Variants in ZNF345 observed in about 807,000 individuals in gnomAD.
The protein encoded by ZNF345 is zinc finger protein HZF10.
For synonymous variants in ZNF345, 166 were observed against 187.9 expected (o/e 0.88, Z 0.95); for missense variants, 527 against 589.9 (o/e 0.89, Z 1.10).
At chr19:36,892,789 A>G in intron 3 of ZNF345, 1 of 542,924 alleles carries the variant, frequency 1.8e-6, no homozygotes, top group Non-Finnish European at 2.8e-6. Context: ...CTAATTAAAA[A>G]AAAAAAATTT....
At chr19:36,853,467 G>A (rs916396205) in intron 2 of ZNF345, among the ~76,000 whole-genome samples, 2 of 151,960 alleles carry the variant, frequency 1.3e-5, no homozygotes, top group Non-Finnish European at 2.9e-5. Context: ...AGGCTGGCCT[G>A]GAACTAGGTG....
intron 2 of ZNF345, among the ~76,000 whole-genome samples, chr19:36,853,240 TC>T: frequency 6.7e-6 from 1 of 148,722 alleles, no homozygotes; most frequent in Non-Finnish European, 1.5e-5. Flanking sequence ...TTGCTTTCTT[TC>T]TTTCTTTTTT....
chr19:36,879,556 T>G lies in ZNF345; in HGVS notation c.*1259T>G, dbSNP rs557589292. 1.2e-5 allele frequency: 2 copies of G among 167,014 alleles called. No homozygotes were observed. The highest frequency in any genetic ancestry group is 3.9e-4 in the East Asian group (2 of 5,192). The allele number at this position is 167,014 out of a possible 1,614,324, so 10.3% of individuals were successfully genotyped here. A position where few individuals can be genotyped will look rare whatever the true frequency, so the allele number is the denominator to read the frequency against. On this transcript the variant is annotated 3_prime_UTR_variant, in exon 3 of 3. Transcript: ENST00000420450. ...CCCAATTTTGTCAAATATTAAAAATTTTGCCATTATAAACACTTACCTTGA... is the reference window on the plus strand; with the variant it reads ...CCCAATTTTGTCAAATATTAAAAATGTTGCCATTATAAACACTTACCTTGA...
intron 2 of ZNF345, among the ~76,000 whole-genome samples, chr19:36,867,505 C>G (rs970089022): frequency 6.6e-6 from 1 of 152,190 alleles, no homozygotes; most frequent in Non-Finnish European, 1.5e-5. Flanking sequence ...GAAGCACAAA[C>G]TTTTAACTTG....
intron 3 of ZNF345, chr19:36,891,492 T>C (rs1222235592): frequency 6.5e-7 from 1 of 1,541,858 alleles, no homozygotes; most frequent in Non-Finnish European, 8.7e-7. Flanking sequence ...TTACTGTCAT[T>C]CAACCAGTAT....
rs199766242 is a variant in ZNF345 at position 36,891,806 on chromosome 19, A to C, written c.47-1012A>C. On this transcript the variant is annotated intron_variant, in intron 3 of 3. Transcript: ENST00000526123. ...GAGGCACTATTAAAGGCCTTCCCAC[A>C]CTGCTTACATTCATAAGGTTTCTCA... The C allele has an allele frequency of 5.4e-4, 872 of 1,614,002 alleles. 1 individual carries two copies. Among genetic ancestry groups the C allele is most frequent in the Non-Finnish European group, 6.1e-4 (723 of 1,180,030 alleles).
intron 2 of ZNF345, among the ~76,000 whole-genome samples, chr19:36,861,833 T>C (rs1333112113): frequency 1.3e-5 from 2 of 151,540 alleles, no homozygotes; most frequent in Admixed American, 1.3e-4. Context: ...GTGCTGGGAT[T>C]ATAGGCATGA....
chr19:36,866,529 T>A (rs1600703379), intron 2 of ZNF345, among the ~76,000 whole-genome samples: 1 of 149,484 alleles, frequency 6.7e-6, no homozygotes, highest in East Asian at 1.9e-4. Flanking sequence ...TGAATAATAA[T>A]ATATGTGTTC....
chr19:36,880,409 A>G (rs183363413), downstream of ZNF345, among the ~76,000 whole-genome samples: 1 of 145,544 alleles, frequency 6.9e-6, no homozygotes. Context: ...TAAAATTTGT[A>G]CCAGGGTAGA....
In ZNF345 at chr19:36,877,693, G is replaced by A. The variant is rs753932555; in HGVS notation, c.863G>A (p.Cys288Tyr). ...RIHTGEKPYV[C>Y]KECGKAFNSG... Reference sequence around the variant, plus strand: ...CATACTGGTGAGAAACCTTATGTATGTAAGGAATGTGGGAAGGCTTTTAAT... The same window carrying A: ...CATACTGGTGAGAAACCTTATGTATATAAGGAATGTGGGAAGGCTTTTAAT... Residue 288 changes from cysteine (C) to tyrosine (Y), a missense_variant, in exon 3 of 3, where the codon TGT (cysteine) becomes TAT (tyrosine). Cys to Tyr is a radical substitution (Grantham distance 194, BLOSUM62 -2). Transcript: ENST00000420450. 1 of 1,614,166 alleles carries A rather than the reference G, an allele frequency of 6.2e-7. No homozygotes were observed. The highest frequency in any genetic ancestry group is 8.5e-7 in the Non-Finnish European group (1 of 1,180,014).
At chr19:36,882,020 T>C (rs1401119277), downstream of ZNF345, among the ~76,000 whole-genome samples, 1 of 151,470 alleles carries the variant, frequency 6.6e-6, no homozygotes. Flanking sequence ...TTCCTCTAAA[T>C]TGATTTGAAG....
chr19:36,869,288 T>G (rs1052035999), intron 2 of ZNF345, among the ~76,000 whole-genome samples: 1 of 151,934 alleles, frequency 6.6e-6, no homozygotes, highest in African/African-American at 2.4e-5. Context: ...GGATACAAAT[T>G]AGGAACAGCA....
At chr19:36,873,069 TG>T (rs1441583194) in intron 2 of ZNF345, among the ~76,000 whole-genome samples, 3 of 152,324 alleles carry the variant, frequency 2.0e-5, no homozygotes, top group South Asian at 4.1e-4. Context: ...GTATCTTTTT[TG>T]TATGGGTTTT....
rs1334987013 is a variant in ZNF345 at position 36,878,225 on chromosome 19, G to A, written c.1395G>A (p.Arg465=). Reference sequence around the variant, plus strand: ...AGAACTGTGGGAAGGCTTATGGGAGGGATTCAGAGTTTCAGCAACATAAGA... The same window carrying A: ...AGAACTGTGGGAAGGCTTATGGGAGAGATTCAGAGTTTCAGCAACATAAGA... ...ECKNCGKAYG[R]DSEFQQHKKS... Residue 465 remains arginine, a synonymous_variant, in exon 3 of 3, where the codon AGG becomes AGA. Coordinates refer to ENST00000420450, the MANE Select transcript of ZNF345 (RefSeq NM_001242472.2). The A allele has an allele frequency of 6.2e-7, 1 of 1,610,276 alleles. No individual in the cohort carries two copies. The highest frequency in any genetic ancestry group is 1.3e-5 in the African/African-American group (1 of 74,666).
At chr19:36,853,543 C>T (rs1051107913) in intron 2 of ZNF345, among the ~76,000 whole-genome samples, 3 of 152,148 alleles carry the variant, frequency 2.0e-5, no homozygotes, top group Admixed American at 6.5e-5. Flanking sequence ...CTGGCCAAGC[C>T]GAAAGCTTTC....
At chr19:36,888,463 C>T (rs1367072899) in intron 3 of ZNF345, 3 of 152,174 alleles carry the variant, frequency 2.0e-5, no homozygotes, top group African/African-American at 4.8e-5. Flanking sequence ...ACCTACCACA[C>T]TAAATTCTTG....
rs184220904 is a variant in ZNF345, at chr19:36,891,987, A to G, written c.47-831A>G. ...AGGCTTTTCCACATACTTTACATTC[A>G]TAGGGTTTCTCACCAGTGTGAATTC... On this transcript the variant is annotated intron_variant, in intron 3 of 3. Transcript: ENST00000526123. 71 of 1,613,918 alleles carry G rather than the reference A, an allele frequency of 4.4e-5. 2 individuals carry two copies. In the Admixed American group the frequency reaches 1.1e-3, roughly 26 times the overall value.
At position 36,877,965 on chromosome 19, in the gene ZNF345, T is replaced by C. The variant is rs1311080329; in HGVS notation, c.1135T>C (p.Phe379Leu). Residue 379 changes from phenylalanine (F) to leucine (L), a missense_variant, in exon 3 of 3, where the codon TTT (phenylalanine) becomes CTT (leucine). Phe to Leu is a conservative substitution (Grantham distance 22, BLOSUM62 0). Coordinates refer to ENST00000420450, the MANE Select transcript of ZNF345 (RefSeq NM_001242472.2). ...PYECKECGKA[F>L]GSGSKLIQHQ... The stretch of plus-strand genomic sequence containing the variant: ...TGAATGTAAGGAATGTGGGAAGGCC[T>C]TTGGTAGTGGCTCAAAACTTATCCA... The C allele has an allele frequency of 6.2e-7, 1 of 1,614,046 alleles. No individual in the cohort carries two copies. The highest frequency in any genetic ancestry group is 2.2e-5 in the East Asian group (1 of 44,870).
At chr19:36,886,159 A>G (rs148681776) in intron 3 of ZNF345, among the ~76,000 whole-genome samples, 1 of 152,234 alleles carries the variant, frequency 6.6e-6, no homozygotes, top group Admixed American at 6.5e-5. Flanking sequence ...TAAATAACTA[A>G]ATAAATGGAG....
Sources: allele counts gnomAD v4.1 joint callset (sites outside exome capture counted in the v4.1 genomes callset), GRCh38; gene constraint gnomAD v4.1.1; transcripts MANE v1.5; gene names NCBI Gene and HGNC (gene_info 2026-07-23, HGNC 2026-07-21).